MGMT: variants seen among roughly 807,000 people sequenced by gnomAD.
MGMT encodes the protein O-6-methylguanine-DNA methyltransferase, also known as methylated-DNA--protein-cysteine methyltransferase.
MGMT carries 14 observed loss-of-function variants against 15.9 expected under a neutral mutation model. The ratio of observed to expected loss-of-function variants is 0.88; its 90% CI spans 0.58 to 1.37. MGMT has a LOEUF of 1.37. Ranked by LOEUF, MGMT falls within the 40% of genes most tolerant of loss-of-function variation. The pLI, the probability that MGMT is intolerant of heterozygous loss-of-function variation, is 0.00. For synonymous variants in MGMT, 130 were observed against 118.2 expected (o/e 1.10, Z -0.65); for missense variants, 282 against 268.1 (o/e 1.05, Z -0.36).
intron 2 of MGMT, among the ~76,000 whole-genome samples, chr10:129,653,566 A>G (rs1212184096): frequency 6.6e-6 from 1 of 152,214 alleles, no homozygotes; most frequent in Non-Finnish European, 1.5e-5. Context: ...GACCCTGATC[A>G]CCAATGGAGT....
chr10:129,700,224 C>T (rs892886611), intron 2 of MGMT: 4 of 152,122 alleles, frequency 2.6e-5, no homozygotes, highest in African/African-American at 7.2e-5. Context: ...GTTGGCATGC[C>T]GTTTGTTTTT....
intron 2 of MGMT, among the ~76,000 whole-genome samples, chr10:129,644,458 G>C (rs1412323540): frequency 6.6e-6 from 1 of 152,222 alleles, no homozygotes; most frequent in Non-Finnish European, 1.5e-5. Context: ...CACAGCAAGA[G>C]GCTGGAAGGA....
intron 2 of MGMT, among the ~76,000 whole-genome samples, chr10:129,562,440 G>A (rs372389649): frequency 2.0e-5 from 3 of 152,182 alleles, no homozygotes; most frequent in African/African-American, 2.4e-5. Context: ...ATTTATTATC[G>A]GAGGACAGCT....
intron 2 of MGMT, among the ~76,000 whole-genome samples, chr10:129,564,596 T>TTCC (rs200723042): frequency 1.6e-4 from 5 of 31,252 alleles, no homozygotes; most frequent in Non-Finnish European, 3.9e-4. Flanking sequence ...CCCCCTCATT[T>TTCC]TCCTCCTCCT....
intron 2 of MGMT, among the ~76,000 whole-genome samples, chr10:129,644,622 T>C (rs1308465676): frequency 1.3e-4 from 20 of 152,244 alleles, no homozygotes; most frequent in Admixed American, 1.3e-3. Flanking sequence ...GAGGCCTCAA[T>C]TCCTGCTTCC....
At position 129,715,036 on chromosome 10, in the gene MGMT, C is replaced by T. The variant is rs115246488; in HGVS notation, c.274+6993C>T. Among the ~76,000 whole-genome samples the T allele has an allele frequency of 6.9e-3, 1,043 of 152,198 alleles. 19 individuals carry two copies. Among genetic ancestry groups the T allele is most frequent in the African/African-American group, 0.024 (999 of 41,510 alleles). ...GTGAGTCGGGGGTAAAGGAAGCAGC[C>T]CTCACACAGAGTAATTTACCAAGCC... On this transcript the variant is annotated intron_variant, in intron 3 of 4. Coordinates refer to ENST00000651593, the MANE Select transcript of MGMT (RefSeq NM_002412.5).
At chr10:129,493,382 G>A (rs1845488910) in intron 1 of MGMT, among the ~76,000 whole-genome samples, 2 of 152,094 alleles carry the variant, frequency 1.3e-5, no homozygotes, top group South Asian at 2.1e-4. Context: ...TCCAGCCCTG[G>A]CTTACTCTCC....
chr10:129,657,264 A>G (rs375140249), intron 2 of MGMT, among the ~76,000 whole-genome samples: 2 of 152,180 alleles, frequency 1.3e-5, no homozygotes, highest in African/African-American at 4.8e-5. Context: ...CATCTGATGC[A>G]TTCCATTGAA....
At chr10:129,562,024 C>T (rs1464372615) in intron 2 of MGMT, among the ~76,000 whole-genome samples, 2 of 152,170 alleles carry the variant, frequency 1.3e-5, no homozygotes, top group African/African-American at 4.8e-5. Context: ...AACAGCTTAG[C>T]ATGCAGATAA....
chr10:129,468,125 C>T (rs894363147), intron 1 of MGMT, among the ~76,000 whole-genome samples: 5 of 152,144 alleles, frequency 3.3e-5, no homozygotes, highest in Admixed American at 2.0e-4. Context: ...TGGTTATTTA[C>T]ATAGACATCC....
intron 1 of MGMT, among the ~76,000 whole-genome samples, chr10:129,505,565 G>T (rs529267927): frequency 3.5e-4 from 54 of 152,268 alleles, no homozygotes; most frequent in African/African-American, 1.3e-3. Context: ...GAGCAAGCTG[G>T]TCTTTTCCTT....
intron 2 of MGMT, among the ~76,000 whole-genome samples, chr10:129,614,932 A>C (rs928026161): frequency 1.3e-5 from 2 of 152,116 alleles, no homozygotes; most frequent in African/African-American, 4.8e-5. Context: ...GCATATTCCC[A>C]GTACTGTATT....
rs1848980344 is a variant in MGMT, at chr10:129,769,731, T to G, written c.*2734T>G. On this transcript the variant is annotated 3_prime_UTR_variant, in exon 5 of 5. Transcript: ENST00000651593. The stretch of plus-strand genomic sequence containing the variant: ...TCTCTCTTCCCGCTGGGAACAGAAG[T>G]GTCCAGTAAACCCACCTGCATTCCA... 6.6e-6 allele frequency among the ~76,000 whole-genome samples: 1 copy of G among 152,148 alleles called. No homozygotes were observed. The highest frequency in any genetic ancestry group is 2.1e-4 in the South Asian group (1 of 4,824).
chr10:129,740,391 C>G (rs952259598), intron 3 of MGMT, among the ~76,000 whole-genome samples: 3 of 151,974 alleles, frequency 2.0e-5, no homozygotes, highest in African/African-American at 7.2e-5. Flanking sequence ...CCAGGGAGAG[C>G]AAGAAGGTCT....
At chr10:129,496,056 A>AT (rs1444370850) in intron 1 of MGMT, among the ~76,000 whole-genome samples, 1 of 152,220 alleles carries the variant, frequency 6.6e-6, no homozygotes, top group Non-Finnish European at 1.5e-5. Flanking sequence ...GCACAGAGCA[A>AT]TGGGAGGCGG....
intron 2 of MGMT, among the ~76,000 whole-genome samples, chr10:129,561,292 C>T (rs577753071): frequency 1.3e-5 from 2 of 152,216 alleles, no homozygotes; most frequent in East Asian, 1.9e-4. Context: ...TCTGTGGGTG[C>T]GGGCAGCGAC....
At chr10:129,474,250 C>G (rs557325330) in intron 1 of MGMT, among the ~76,000 whole-genome samples, 2 of 152,278 alleles carry the variant, frequency 1.3e-5, no homozygotes, top group Admixed American at 1.3e-4. Flanking sequence ...ACTAGCCTGT[C>G]AGTGCTTCCC....
In MGMT at chr10:129,654,277, A is replaced by G. The variant is rs573227706; in HGVS notation, c.126-53618A>G. Among the ~76,000 whole-genome samples, 450 of 152,196 alleles carry G rather than the reference A, an allele frequency of 3.0e-3. 2 individuals carry two copies. The highest frequency in any genetic ancestry group is 0.01 in the Middle Eastern group (3 of 294). Reference sequence around the variant, plus strand: ...AGATCCATGCTGGGGAAGGGCGAGGATGGAAAGGGGTGCAGGGCGTGGAGC... The same window carrying G: ...AGATCCATGCTGGGGAAGGGCGAGGGTGGAAAGGGGTGCAGGGCGTGGAGC... On this transcript the variant is annotated intron_variant, in intron 2 of 4. Transcript: ENST00000651593.
chr10:129,732,312 A>AC (rs1848508447), intron 3 of MGMT, among the ~76,000 whole-genome samples: 1 of 36,116 alleles, frequency 2.8e-5, no homozygotes, highest in African/African-American at 1.1e-4. Flanking sequence ...CCAACCCCCC[A>AC]CCCCCCGACA....
Sources: allele counts gnomAD v4.1 joint callset (sites outside exome capture counted in the v4.1 genomes callset), GRCh38; gene constraint gnomAD v4.1.1; transcripts MANE v1.5; gene names NCBI Gene and HGNC (gene_info 2026-07-23, HGNC 2026-07-21).